Variants in EBF3 observed in about 807,000 individuals in gnomAD.
EBF3 encodes the protein transcription factor COE3.
A neutral mutation model predicts 77.1 loss-of-function variants in EBF3; 18 were observed. The ratio of observed to expected loss-of-function variants is 0.23; its 90% CI spans 0.16 to 0.35. The LOEUF is 0.35. EBF3 is among the 10% of genes least tolerant of loss of function. The probability of loss-of-function intolerance (pLI) is 1.00; values close to 1 mark genes in which losing one functional copy is unlikely to be tolerated. For synonymous variants in EBF3, 350 were observed against 343.5 expected (o/e 1.02, Z -0.21); for missense variants, 558 against 860.0 (o/e 0.65, Z 4.39).
At chr10:129,914,949 C>T (rs552517151) in intron 6 of EBF3, among the ~76,000 whole-genome samples, 10 of 152,218 alleles carry the variant, frequency 6.6e-5, no homozygotes, top group Non-Finnish European at 1.3e-4. Flanking sequence ...GGGACTGTAT[C>T]TATGCATCTG....
At position 129,933,627 on chromosome 10, in the gene EBF3, G is replaced by A. The variant is rs573381260; in HGVS notation, c.554+23631C>T. Among the ~76,000 whole-genome samples the A allele has an allele frequency of 2.0e-4, 31 of 152,330 alleles. 1 individual carries two copies. The East Asian group carries it at 3.5e-3, about 17-fold the overall frequency. ...CAGCAGCCTCTGCAGGCGGGTGCCCGTGCAAGAGGCACAAGCGTGGCTGAA... is the reference window on the plus strand; with the variant it reads ...CAGCAGCCTCTGCAGGCGGGTGCCCATGCAAGAGGCACAAGCGTGGCTGAA... On this transcript the variant is annotated intron_variant, in intron 6 of 16. Coordinates refer to ENST00000440978, the MANE Select transcript of EBF3 (RefSeq NM_001375380.1).
chr10:129,854,883 G>A (rs1046803532), intron 10 of EBF3, among the ~76,000 whole-genome samples: 5 of 152,242 alleles, frequency 3.3e-5, no homozygotes, highest in African/African-American at 9.6e-5. Flanking sequence ...GTTCACCAGG[G>A]GCGCTGCCCG....
intron 6 of EBF3, among the ~76,000 whole-genome samples, chr10:129,955,749 G>C (rs949452667): frequency 5.9e-5 from 9 of 152,198 alleles, no homozygotes; most frequent in African/African-American, 1.2e-4. Flanking sequence ...CATGCTAGAA[G>C]TCTCACACTT....
intron 6 of EBF3, among the ~76,000 whole-genome samples, chr10:129,895,490 T>A (rs894699697): frequency 6.6e-6 from 1 of 152,208 alleles, no homozygotes; most frequent in African/African-American, 2.4e-5. Context: ...CAGCTTCTCC[T>A]CCGAGTATGG....
intron 7 of EBF3, among the ~76,000 whole-genome samples, chr10:129,875,187 C>CTTTTTTTTTT (rs1193539598): frequency 1.1e-5 from 1 of 92,932 alleles, no homozygotes; most frequent in African/African-American, 4.1e-5. Flanking sequence ...ATGGCTTCTT[C>CTTTTTTTTTT]TTTTTTTTTT....
chr10:129,869,222 G>A (rs1175232237), intron 8 of EBF3, among the ~76,000 whole-genome samples: 1 of 152,192 alleles, frequency 6.6e-6, no homozygotes, highest in Non-Finnish European at 1.5e-5. Flanking sequence ...ATTTGGGGGT[G>A]TTGGGGGTTA....
chr10:129,860,587 G>C (rs1004595598), intron 10 of EBF3, among the ~76,000 whole-genome samples: 7 of 152,170 alleles, frequency 4.6e-5, no homozygotes, highest in African/African-American at 7.2e-5. Flanking sequence ...CTTGGTCACA[G>C]CCACTTGGAA....
chr10:129,918,865 T>C (rs1174557607), intron 6 of EBF3, among the ~76,000 whole-genome samples: 1 of 152,212 alleles, frequency 6.6e-6, no homozygotes, highest in Non-Finnish European at 1.5e-5. Context: ...TCCAGTCCAG[T>C]GTTATTTTTT....
chr10:129,867,023 T>C (rs1852066302), intron 10 of EBF3, 118 bp downstream of exon 10: 4 of 1,365,460 alleles, frequency 2.9e-6, no homozygotes, highest in South Asian at 1.8e-5. Flanking sequence ...GGGGGCTTTG[T>C]CTGTCTTTCC....
chr10:129,839,521 C>G (rs752464030), intron 15 of EBF3, among the ~76,000 whole-genome samples: 2 of 152,080 alleles, frequency 1.3e-5, no homozygotes, highest in African/African-American at 4.8e-5. Flanking sequence ...CAGCTGTGCC[C>G]TCGGGGCCGG....
intron 7 of EBF3, among the ~76,000 whole-genome samples, chr10:129,875,240 A>G (rs1852686094): frequency 8.5e-6 from 1 of 118,126 alleles, no homozygotes; most frequent in Non-Finnish European, 1.6e-5. Context: ...TCTGTTGCCC[A>G]GGCTGGAGTG....
chr10:129,903,821 A>T (rs1341748453), intron 6 of EBF3, among the ~76,000 whole-genome samples: 1 of 152,200 alleles, frequency 6.6e-6, no homozygotes, highest in Non-Finnish European at 1.5e-5. Flanking sequence ...TCATCATAGG[A>T]ATCACAGCAT....
At chr10:129,925,069 GGTGTGTGTGTGCACGCGTGTGTGT>G (rs1002548935) in intron 6 of EBF3, among the ~76,000 whole-genome samples, 5 of 128,874 alleles carry the variant, frequency 3.9e-5, no homozygotes, top group African/African-American at 1.6e-4. Flanking sequence ...AGCAAAATGT[GGTGTGTGTGTGCACGCGTGTGTGT>G]GTGTGTGTGT....
rs780961971 is a variant in EBF3 at position 129,839,167 on chromosome 10, G to A, written c.1788C>T (p.Ala596=). The change falls in exon 16 of 17, where the codon GCC becomes GCT. Residue 596 remains alanine (A), a synonymous_variant. Transcript: ENST00000440978. ...AAAAGGGCCAGTTTGTCTTCTCCGC[G>A]GCTACGTCCTCAGCACCCAGCAGAG... ...QGSLLGAEDV[A]AEKTNWPFCE... is the part of the protein sequence containing the mutation. 3.0e-5 allele frequency: 39 copies of A among 1,303,148 alleles called. No homozygotes were observed. Among genetic ancestry groups the A allele is most frequent in the Admixed American group, 2.5e-4 (11 of 43,552 alleles). 80.7% of individuals were successfully genotyped at this position (1,303,148 alleles called of 1,614,324 possible).
intron 6 of EBF3, among the ~76,000 whole-genome samples, chr10:129,932,010 A>C (rs1857057046): frequency 6.6e-6 from 1 of 152,148 alleles, no homozygotes; most frequent in African/African-American, 2.4e-5. Context: ...GCCACCCTGG[A>C]GAGCTAGGCC....
intron 7 of EBF3, among the ~76,000 whole-genome samples, chr10:129,874,638 G>A (rs1852627351): frequency 6.6e-6 from 1 of 152,204 alleles, no homozygotes; most frequent in Non-Finnish European, 1.5e-5. Context: ...TGAAGGAAGG[G>A]TGGCTCTCTG....
chr10:129,897,183 G>A lies in EBF3; in HGVS notation c.555-19334C>T, dbSNP rs536962422. Among the ~76,000 whole-genome samples, 20 of 152,276 alleles carry A rather than the reference G, an allele frequency of 1.3e-4. No individual in the cohort carries two copies. Among genetic ancestry groups the A allele is most frequent in the Admixed American group, 2.0e-4 (3 of 15,296 alleles). ...GCACTGTGGTCACAGACACACTCGC[G>A]GTGTACACGGGCCCTCCACGCAGCC... On this transcript the variant is annotated intron_variant, in intron 6 of 16. Coordinates refer to ENST00000440978, the MANE Select transcript of EBF3 (RefSeq NM_001375380.1). This position sits in a 1 kb window ranked among gnomAD's most constrained non-coding sequence, Gnocchi z 4.6.
intron 6 of EBF3, among the ~76,000 whole-genome samples, chr10:129,898,114 T>A (rs1854521899): frequency 6.6e-6 from 1 of 152,230 alleles, no homozygotes; most frequent in African/African-American, 2.4e-5. Flanking sequence ...TAAAATGAGC[T>A]ACAGTAGGTG....
intron 11 of EBF3, chr10:129,843,448 T>C: frequency 2.2e-6 from 1 of 463,178 alleles, no homozygotes; most frequent in Non-Finnish European, 3.9e-6. Flanking sequence ...CCGGTTGGGC[T>C]CACAGAGGTG....
Sources: allele counts gnomAD v4.1 joint callset (sites outside exome capture counted in the v4.1 genomes callset), GRCh38; gene constraint gnomAD v4.1.1; non-coding constraint Gnocchi (gnomAD v3.1); transcripts MANE v1.5; gene names NCBI Gene and HGNC (gene_info 2026-07-23, HGNC 2026-07-21).